Variants in CX3CR1 observed in about 807,000 individuals in gnomAD.
CX3CR1 encodes CX3C chemokine receptor 1.
For missense variants in CX3CR1, 363 were observed against 432.4 expected, an observed-to-expected ratio of 0.84 and a Z score of 1.42; for synonymous variants, 168 against 178.5, an observed-to-expected ratio of 0.94 and a Z score of 0.47.
At position 39,268,208 on chromosome 3, in the gene CX3CR1, C is replaced by T. The variant is rs550796019; in HGVS notation, c.-9-1690G>A. Among the ~76,000 whole-genome samples, 129 of 152,268 alleles carry T rather than the reference C, an allele frequency of 8.5e-4. 1 individual carries two copies. The highest frequency in any genetic ancestry group is 2.6e-3 in the Admixed American group (40 of 15,296). On this transcript the variant is annotated intron_variant, in intron 1 of 1. Coordinates refer to ENST00000399220, the MANE Select transcript of CX3CR1 (RefSeq NM_001337.4). ...CCAGACTCTCCTGGGATAAGTGGGCCGGGGCTTTACAACCTAAGCTGTCTC... is the reference window on the plus strand; with the variant it reads ...CCAGACTCTCCTGGGATAAGTGGGCTGGGGCTTTACAACCTAAGCTGTCTC...
At chr3:39,279,926 AG>A (rs2040877351) in intron 1 of CX3CR1, 27 bp downstream of exon 1, 1 of 974,208 alleles carries the variant, frequency 1.0e-6, no homozygotes, top group African/African-American at 1.8e-5. Context: ...CCCCACCCAC[AG>A]GTACCCAACT....
chr3:39,277,549 G>A (rs969766824), intron 1 of CX3CR1, among the ~76,000 whole-genome samples: 7 of 152,156 alleles, frequency 4.6e-5, no homozygotes, highest in Non-Finnish European at 7.4e-5. Context: ...GGTTCCAAAC[G>A]TCTCTGGACT....
Position 39,266,342 on chromosome 3 carries a change from G to C in CX3CR1, c.168C>G (p.Leu56=), listed in dbSNP as rs1211660429. 1 of 1,614,210 alleles carries C rather than the reference G, an allele frequency of 6.2e-7. No homozygotes were observed. Among genetic ancestry groups the C allele is most frequent in the Admixed American group, 1.7e-5 (1 of 60,032 alleles). The change falls in exon 2 of 2, where the codon CTC becomes CTG. Residue 56 remains leucine, a synonymous_variant. Transcript: ENST00000399220. ...CACTCTTGGGCTTCTTGCTGTTGGT[G>C]AGGGCAAACACTACCAACAAATTTC... The part of the protein sequence containing the change: ...LVGNLLVVFA[L]TNSKKPKSVT...
At position 39,265,528 on chromosome 3, in the gene CX3CR1, C is replaced by T; in HGVS notation, c.982G>A (p.Glu328Lys). 3 of 1,614,208 alleles carry T rather than the reference C, an allele frequency of 1.9e-6. No individual in the cohort carries two copies. Among genetic ancestry groups the T allele is most frequent in the Non-Finnish European group, 2.5e-6 (3 of 1,180,044 alleles). ...CTTCCATGCCTGCTCCTTTGTGATT[C>T]AGATGAGGAGAAATCAACGTGGACT... ...RSVHVDFSSSESQRSRHGSVL... is the reference protein window; with the variant it reads ...RSVHVDFSSSKSQRSRHGSVL... The change falls in exon 2 of 2, where the codon GAA becomes AAA. Residue 328 changes from glutamate to lysine, a missense_variant. Glu to Lys is a moderately conservative substitution (Grantham distance 56). Coordinates refer to ENST00000399220, the MANE Select transcript of CX3CR1 (RefSeq NM_001337.4).
chr3:39,279,846 G>A (rs1017305100), intron 1 of CX3CR1, 108 bp downstream of exon 1: 1 of 382,110 alleles, frequency 2.6e-6, no homozygotes, highest in African/African-American at 2.2e-5. Flanking sequence ...AACATCCCCA[G>A]GAAAATGGTT....
chr3:39,289,915 C>A, the CX3CR1 span, among the ~76,000 whole-genome samples: 1 of 152,180 alleles, frequency 6.6e-6, no homozygotes, highest in Non-Finnish European at 1.5e-5. Context: ...CTTCCAGCTT[C>A]CAGAACTGTG....
chr3:39,281,750 T>C, upstream of CX3CR1: 1 of 1,355,562 alleles, frequency 7.4e-7, no homozygotes, highest in South Asian at 1.2e-5. Flanking sequence ...CACTTCCTAC[T>C]GTGCTCTCAC....
At chr3:39,283,217 A>G (rs1405575575), upstream of CX3CR1, among the ~76,000 whole-genome samples, 2 of 152,014 alleles carry the variant, frequency 1.3e-5, no homozygotes, top group South Asian at 4.2e-4. Context: ...TCCTCATCTT[A>G]TATGTGAGGA....
chr3:39,290,336 A>C, the CX3CR1 span, among the ~76,000 whole-genome samples: 1 of 151,922 alleles, frequency 6.6e-6, no homozygotes, highest in Non-Finnish European at 1.5e-5. Flanking sequence ...CCTCATGCCG[A>C]TCAGAGGTGG....
intron 1 of CX3CR1, among the ~76,000 whole-genome samples, chr3:39,276,723 G>A (rs1462131768): frequency 2.0e-5 from 3 of 152,208 alleles, no homozygotes; most frequent in Non-Finnish European, 4.4e-5. Context: ...CTCCTACAAC[G>A]TGGATGCATT....
At chr3:39,271,297 G>A (rs2040773069) in intron 1 of CX3CR1, among the ~76,000 whole-genome samples, 1 of 152,222 alleles carries the variant, frequency 6.6e-6, no homozygotes, top group African/African-American at 2.4e-5. Context: ...GGGTGCTCAT[G>A]AGCACACAGG....
rs1010655860 is a variant in CX3CR1, at chr3:39,265,259, G to A, written c.*183C>T. The A allele has an allele frequency of 8.5e-6, 5 of 586,558 alleles. No homozygotes were observed. The Admixed American group carries it at 1.6e-4, about 19-fold the overall frequency. The allele number at this position is 586,558 out of a possible 1,614,324, so 36.3% of individuals were successfully genotyped here. A position where few individuals can be genotyped will look rare whatever the true frequency, so the allele number is the denominator to read the frequency against. ...ATGTCTACTCTTTGTCATTCAAAGA[G>A]TTCAATTTGTTCATTCTTCAAATTT... On this transcript the variant is annotated 3_prime_UTR_variant, in exon 2 of 2. Transcript: ENST00000399220.
intron 1 of CX3CR1, among the ~76,000 whole-genome samples, chr3:39,276,349 G>C (rs796412702): frequency 1.2e-4 from 18 of 152,286 alleles, no homozygotes; most frequent in African/African-American, 3.8e-4. Flanking sequence ...ACTCTTTGGG[G>C]CTACCTCCCC....
upstream of CX3CR1, among the ~76,000 whole-genome samples, chr3:39,285,674 T>C (rs2040938337): frequency 1.3e-5 from 2 of 152,218 alleles, no homozygotes; most frequent in Admixed American, 1.3e-4. Context: ...TATATGTCAT[T>C]TTTTAAAAAT....
In CX3CR1 at chr3:39,264,000, G is replaced by A. The variant is rs1369340818; in HGVS notation, c.*1442C>T. 6.6e-6 allele frequency: 1 copy of A among 152,232 alleles called. No individual in the cohort carries two copies. Among genetic ancestry groups the A allele is most frequent in the African/African-American group, 2.4e-5 (1 of 41,458 alleles). The allele number at this position is 152,232 out of a possible 1,614,324, so 9.4% of individuals were successfully genotyped here. ...AAAAAAAAGCTGCTCCCATAGCCCT[G>A]GCTCCCCAGGTTGGCAGTAGCATGA... On this transcript the variant is annotated 3_prime_UTR_variant, in exon 2 of 2. Transcript: ENST00000399220.
intron 1 of CX3CR1, among the ~76,000 whole-genome samples, chr3:39,275,539 C>T (rs932750083): frequency 6.6e-6 from 1 of 152,154 alleles, no homozygotes; most frequent in Admixed American, 6.5e-5. Flanking sequence ...TATTGTTTGC[C>T]TTGATAACAT....
At position 39,279,999 on chromosome 3, in the gene CX3CR1, C is replaced by T. The variant is rs2040878198; in HGVS notation, c.-55G>A. On this transcript the variant is annotated 5_prime_UTR_variant, in exon 1 of 2. In the 5' UTR this introduces an upstream ATG that the reference lacks. Transcript: ENST00000399220. The stretch of plus-strand genomic sequence containing the variant: ...AACCTCTGGATCTGCCAGTCAGCCA[C>T]CCTGTCCTGCTCAGACTTTACCAGA... 1.0e-6 allele frequency: 1 copy of T among 985,584 alleles called. No individual in the cohort carries two copies. The allele number at this position is 985,584 out of a possible 1,614,324, so 61.1% of individuals were successfully genotyped here.
chr3:39,271,822 G>T (rs11926792), intron 1 of CX3CR1, among the ~76,000 whole-genome samples: 1 of 152,196 alleles, frequency 6.6e-6, no homozygotes. Flanking sequence ...TTAGCAAGGC[G>T]CTTTTTAAGG....
chr3:39,266,714 G>A (rs55955702), intron 1 of CX3CR1, 196 bp from the exon 2 acceptor site: 7,670 of 762,968 alleles, frequency 0.01, 74 homozygotes, highest in South Asian at 0.022. Context: ...AGACTCTTCT[G>A]ACAGGAGAGG....
Sources: gnomAD v4.1 joint callset for allele counts (sites outside exome capture counted in the v4.1 genomes callset) on GRCh38, gnomAD v4.1.1 for gene constraint, MANE v1.5 for transcripts, NCBI Gene and HGNC (gene_info 2026-07-23, HGNC 2026-07-21) for gene names.